The following UST variants were observed in gnomAD, a reference collection of about 807,000 sequenced individuals.
UST encodes the protein chondroitin sulfate 2-O-sulfotransferase.
UST carries 21 observed loss-of-function variants against 45.6 expected under a neutral mutation model. That is an observed-to-expected ratio of 0.46 (90% confidence interval 0.33 to 0.66). UST has a LOEUF of 0.66. Among genes scored for constraint, UST ranks in the 30% least tolerant of loss-of-function variants. UST has a pLI of 0.02. For synonymous variants in UST, 215 were observed against 200.6 expected (o/e 1.07, Z -0.61); for missense variants, 463 against 512.4 (o/e 0.90, Z 0.93).
At chr6:149,046,680 G>A (rs1170207454) in intron 7 of UST, among the ~76,000 whole-genome samples, 4 of 152,210 alleles carry the variant, frequency 2.6e-5, no homozygotes, top group Non-Finnish European at 4.4e-5. Flanking sequence ...GAGATAATGT[G>A]CCCGTGCACC....
intron 7 of UST, among the ~76,000 whole-genome samples, chr6:149,061,448 A>T (rs1776654012): frequency 6.6e-6 from 1 of 152,244 alleles, no homozygotes. Context: ...TCAAAGCAAA[A>T]TCTTGGGCAG....
At chr6:149,063,010 G>A (rs957840205) in intron 7 of UST, among the ~76,000 whole-genome samples, 7 of 152,170 alleles carry the variant, frequency 4.6e-5, no homozygotes, top group African/African-American at 1.7e-4. Flanking sequence ...CTCATGCCAG[G>A]TTTTATTCTC....
chr6:149,068,261 C>T (rs1241482792), intron 7 of UST, among the ~76,000 whole-genome samples: 1 of 152,174 alleles, frequency 6.6e-6, no homozygotes, highest in Non-Finnish European at 1.5e-5. Flanking sequence ...CAAGAAACAA[C>T]ACAGCAAAAG....
At chr6:148,913,464 C>A in intron 2 of UST, among the ~76,000 whole-genome samples, 1 of 118,730 alleles carries the variant, frequency 8.4e-6, no homozygotes, top group African/African-American at 3.3e-5. Flanking sequence ...TTGGAATGAC[C>A]AAGGAACCAG....
chr6:148,872,691 T>C (rs1473816677), intron 1 of UST, among the ~76,000 whole-genome samples: 1 of 152,224 alleles, frequency 6.6e-6, no homozygotes, highest in Non-Finnish European at 1.5e-5. Flanking sequence ...AAGATGTCAG[T>C]AGGGCTGTGT....
chr6:148,895,163 G>GT (rs941388672), intron 2 of UST, among the ~76,000 whole-genome samples: 2 of 151,718 alleles, frequency 1.3e-5, no homozygotes, highest in African/African-American at 4.8e-5. Context: ...TACCACTCAG[G>GT]TTTTCCCCCC....
rs973703170 is a variant in UST at position 148,914,122 on chromosome 6, T to G, written c.291+27093T>G. 2.6e-5 allele frequency among the ~76,000 whole-genome samples: 4 copies of G among 152,362 alleles called. No individual in the cohort carries two copies. In the South Asian group the frequency reaches 6.2e-4, roughly 24 times the overall value. The stretch of plus-strand genomic sequence containing the variant: ...TATGGGAAATAAGTTTTCATTCCAA[T>G]GCAGTATTTTGATGAAAATGTGTCA... On this transcript the variant is annotated intron_variant, in intron 2 of 7. Transcript: ENST00000367463.
At chr6:148,872,204 TAAGTA>T (rs1363422574) in intron 1 of UST, among the ~76,000 whole-genome samples, 2 of 152,212 alleles carry the variant, frequency 1.3e-5, no homozygotes, top group Non-Finnish European at 2.9e-5. Flanking sequence ...ATATGTTTGT[TAAGTA>T]AAGCAATACA....
At chr6:149,014,044 A>T (rs950384871) in intron 5 of UST, among the ~76,000 whole-genome samples, 3 of 152,258 alleles carry the variant, frequency 2.0e-5, no homozygotes, top group African/African-American at 7.2e-5. Flanking sequence ...GTACAGAGAA[A>T]TAAAAGAGCA....
At position 148,866,744 on chromosome 6, in the gene UST, T is replaced by C. The variant is rs1313917671; in HGVS notation, c.248-20242T>C. Among the ~76,000 whole-genome samples the C allele has an allele frequency of 2.0e-5, 3 of 152,218 alleles. No individual in the cohort carries two copies. The South Asian group carries it at 6.2e-4, about 31-fold the overall frequency. ...ATTTCTCATTTATAACCCCGTGTTA[T>C]TGTTTTTATTCTCCTTACAAGTTGT... On this transcript the variant is annotated intron_variant, in intron 1 of 7. Transcript: ENST00000367463.
chr6:149,046,200 A>C (rs1231129737), intron 7 of UST, among the ~76,000 whole-genome samples: 2 of 152,198 alleles, frequency 1.3e-5, no homozygotes, highest in South Asian at 4.1e-4. Flanking sequence ...TGTAAGCAAG[A>C]ATGGCTTCAG....
Position 148,801,368 on chromosome 6 carries a change from T to A in UST, c.247+53691T>A, listed in dbSNP as rs550961702. Among the ~76,000 whole-genome samples the A allele has an allele frequency of 2.8e-4, 42 of 152,332 alleles. No individual in the cohort carries two copies. The South Asian group carries it at 8.7e-3, about 32-fold the overall frequency. On this transcript the variant is annotated intron_variant, in intron 1 of 7. Coordinates refer to ENST00000367463, the MANE Select transcript of UST (RefSeq NM_005715.3). ...GACAAGTGCTCCAGGACATCTTTGA[T>A]CTGAGACCACTTATGTTAATCTCTT... is the stretch of plus-strand genomic sequence containing the variant.
chr6:148,915,846 A>G (rs1412048042), intron 2 of UST, among the ~76,000 whole-genome samples: 1 of 152,226 alleles, frequency 6.6e-6, no homozygotes, highest in Non-Finnish European at 1.5e-5. Context: ...GGTTTGCCCA[A>G]GAAGAAGCAG....
At chr6:148,787,186 G>A (rs1776748707) in intron 1 of UST, among the ~76,000 whole-genome samples, 1 of 152,100 alleles carries the variant, frequency 6.6e-6, no homozygotes, top group Non-Finnish European at 1.5e-5. Flanking sequence ...TTCTTTTGCT[G>A]TGCAGAAGCT....
rs1475301439 is a variant in UST, at chr6:149,049,931, T to TCTCA, written c.938-23901_938-23900insTCAC. ...TTGTCTCTCTCTCTCTCTCTCTCTC[T>TCTCA]CACACACACACACACACACACACAC... On this transcript the variant is annotated intron_variant, in intron 7 of 7. Coordinates refer to ENST00000367463, the MANE Select transcript of UST (RefSeq NM_005715.3). 5.9e-3 allele frequency among the ~76,000 whole-genome samples: 800 copies of TCTCA among 134,528 alleles called. 26 individuals carry two copies. The East Asian group carries it at 0.089, about 15-fold the overall frequency. The allele number at this position is 134,528 out of a possible 152,430, so 88.3% of individuals were successfully genotyped here.
intron 5 of UST, among the ~76,000 whole-genome samples, chr6:148,977,301 T>TA (rs1166970138): frequency 3.3e-5 from 5 of 151,604 alleles, no homozygotes; most frequent in African/African-American, 1.2e-4. Flanking sequence ...ATAGTTTTAT[T>TA]ATGTAATATG....
intron 1 of UST, among the ~76,000 whole-genome samples, chr6:148,804,511 A>G (rs1370575339): frequency 1.3e-5 from 2 of 152,134 alleles, no homozygotes; most frequent in African/African-American, 4.8e-5. Flanking sequence ...GGCTTAATTA[A>G]TAAGTGTCCC....
At chr6:148,936,842 C>T (rs991179573) in intron 2 of UST, among the ~76,000 whole-genome samples, 8 of 151,968 alleles carry the variant, frequency 5.3e-5, no homozygotes, top group South Asian at 2.1e-4. Context: ...ACTACAGGCA[C>T]CTGCCACCAC....
At chr6:148,788,904 A>G (rs759887557) in intron 1 of UST, among the ~76,000 whole-genome samples, 4 of 152,230 alleles carry the variant, frequency 2.6e-5, no homozygotes, top group Non-Finnish European at 5.9e-5. Flanking sequence ...TGCTGTGGTT[A>G]AGGGCTGGCC....
Sources: gnomAD v4.1 joint callset for allele counts (sites outside exome capture counted in the v4.1 genomes callset) on GRCh38, gnomAD v4.1.1 for gene constraint, MANE v1.5 for transcripts, NCBI Gene and HGNC (gene_info 2026-07-23, HGNC 2026-07-21) for gene names.